The following GALNT13 variants were observed in gnomAD, a reference collection of about 807,000 sequenced individuals.
GALNT13 encodes polypeptide N-acetylgalactosaminyltransferase 13, also known as UDP-GalNAc:polypeptide N-acetylgalactosaminyltransferase 13.
A neutral mutation model predicts 64.2 loss-of-function variants in GALNT13; 28 were observed. The observed-to-expected ratio is 0.44, with a 90% CI of 0.32 to 0.60. The LOEUF (loss-of-function observed/expected upper bound fraction) is 0.60. Among genes scored for constraint, GALNT13 ranks in the 20% least tolerant of loss-of-function variants. The pLI, the probability that GALNT13 is intolerant of heterozygous loss-of-function variation, is 0.05. For missense variants in GALNT13, 577 were observed against 669.8 expected (o/e 0.86, Z 1.53); for synonymous variants, 214 against 224.6 (o/e 0.95, Z 0.42).
At chr2:153,326,338 G>A in the GALNT13 span, among the ~76,000 whole-genome samples, 10 of 144,854 alleles carry the variant, frequency 6.9e-5, no homozygotes, top group South Asian at 4.3e-4. Flanking sequence ...CCATTTGCTC[G>A]GTAAATAATC....
chr2:153,740,516 C>G, the GALNT13 span, among the ~76,000 whole-genome samples: 132 of 152,136 alleles, frequency 8.7e-4, 1 homozygote, highest in Non-Finnish European at 1.6e-3. Context: ...TTTTTGTGTG[C>G]CAATTCCAAC....
intron 3 of GALNT13, among the ~76,000 whole-genome samples, chr2:154,091,774 A>T (rs1473804783): frequency 2.0e-5 from 3 of 151,962 alleles, no homozygotes; most frequent in African/African-American, 7.2e-5. Context: ...GTTAAACTGA[A>T]AGGCCTTTTA....
intron 4 of GALNT13, among the ~76,000 whole-genome samples, chr2:154,236,498 T>C (rs905308559): frequency 6.6e-6 from 1 of 152,112 alleles, no homozygotes; most frequent in African/African-American, 2.4e-5. Context: ...ACAGATATAT[T>C]ATCATAGAAT....
chr2:153,312,787 C>G, the GALNT13 span, among the ~76,000 whole-genome samples: 2 of 152,112 alleles, frequency 1.3e-5, no homozygotes, highest in African/African-American at 4.8e-5. Context: ...GTGGTATGTT[C>G]AAACTGGCTT....
At chr2:153,081,678 T>C in the GALNT13 span, among the ~76,000 whole-genome samples, 1 of 152,196 alleles carries the variant, frequency 6.6e-6, no homozygotes, top group Middle Eastern at 3.2e-3. Flanking sequence ...TCCATCCATG[T>C]TGTTGCAAAT....
the GALNT13 span, among the ~76,000 whole-genome samples, chr2:153,316,378 C>G: frequency 4.6e-5 from 7 of 152,166 alleles, no homozygotes; most frequent in South Asian, 6.2e-4. Context: ...CATGGTGGCT[C>G]AAGCCTGTAA....
the GALNT13 span, among the ~76,000 whole-genome samples, chr2:153,805,926 G>C: frequency 6.6e-6 from 1 of 151,924 alleles, no homozygotes; most frequent in Admixed American, 6.6e-5. Flanking sequence ...GGAATTAAGA[G>C]TATCCTGATT....
the GALNT13 span, among the ~76,000 whole-genome samples, chr2:153,332,994 G>C: frequency 6.6e-6 from 1 of 152,172 alleles, no homozygotes; most frequent in Non-Finnish European, 1.5e-5. Context: ...TTGTAATAGG[G>C]AAGAGCACAA....
chr2:153,350,446 G>T, the GALNT13 span, among the ~76,000 whole-genome samples: 1 of 144,310 alleles, frequency 6.9e-6, no homozygotes, highest in Non-Finnish European at 1.5e-5. Context: ...GCAGTGGTAT[G>T]ATCTTGGCTC....
the GALNT13 span, among the ~76,000 whole-genome samples, chr2:153,471,560 G>T: frequency 1.3e-5 from 2 of 152,254 alleles, no homozygotes; most frequent in East Asian, 1.9e-4. Flanking sequence ...ACCATTTTGA[G>T]AATTTAGAAT....
chr2:153,263,796 T>G, the GALNT13 span, among the ~76,000 whole-genome samples: 22 of 152,094 alleles, frequency 1.4e-4, no homozygotes, highest in Admixed American at 1.4e-3. Context: ...AAAAATTAAT[T>G]CAAGATGGAT....
At chr2:154,055,086 A>T (rs1699831298) in intron 3 of GALNT13, among the ~76,000 whole-genome samples, 1 of 152,042 alleles carries the variant, frequency 6.6e-6, no homozygotes, top group Admixed American at 6.5e-5. Context: ...GTCTGGTTCA[A>T]TAAATCCTAC....
In GALNT13 at chr2:154,451,400, TA is replaced by T. The variant is rs1701866096; in HGVS notation, c.*850del. 6.6e-6 allele frequency: 1 copy of T among 152,064 alleles called. No individual in the cohort carries two copies. Among genetic ancestry groups the T allele is most frequent in the Admixed American group, 6.6e-5 (1 of 15,218 alleles). 9.4% of individuals were successfully genotyped at this position (152,064 alleles called of 1,614,324 possible). ...TACCATCCCTTTTCTCTTCACTCTA[TA>T]GACAGTGGCATGCCATTGATGCTGT... On this transcript the variant is annotated 3_prime_UTR_variant, in exon 13 of 13. Transcript: ENST00000392825.
chr2:154,151,385 G>A (rs1412758515), intron 4 of GALNT13, among the ~76,000 whole-genome samples: 1 of 152,102 alleles, frequency 6.6e-6, no homozygotes, highest in Non-Finnish European at 1.5e-5. Flanking sequence ...GTGGTGCAGT[G>A]CTGAAAAAAA....
At chr2:154,079,797 C>A (rs6435037) in intron 3 of GALNT13, among the ~76,000 whole-genome samples, 66,680 of 151,456 alleles carry the variant, frequency 0.44, 16,592 homozygotes, top group Non-Finnish European at 0.57. Flanking sequence ...CAATGTAAGG[C>A]ATTATGATTA....
At chr2:153,876,815 T>A (rs1377523673) in intron 1 of GALNT13, among the ~76,000 whole-genome samples, 1 of 152,160 alleles carries the variant, frequency 6.6e-6, no homozygotes, top group Non-Finnish European at 1.5e-5. Context: ...TCTTAATTTT[T>A]AAAAGTTATC....
the GALNT13 span, among the ~76,000 whole-genome samples, chr2:153,281,246 C>A: frequency 6.6e-6 from 1 of 150,898 alleles, no homozygotes; most frequent in African/African-American, 2.4e-5. Flanking sequence ...TTTCTCCAGT[C>A]CTTTACTTTG....
chr2:154,141,071 A>C, intron 4 of GALNT13, among the ~76,000 whole-genome samples: 1 of 152,178 alleles, frequency 6.6e-6, no homozygotes, highest in Admixed American at 6.6e-5. Flanking sequence ...CTAAACATAG[A>C]AAAGGTATAG....
intron 3 of GALNT13, among the ~76,000 whole-genome samples, chr2:154,101,380 G>A (rs1474398191): frequency 3.3e-5 from 5 of 151,784 alleles, no homozygotes; most frequent in African/African-American, 1.2e-4. Context: ...ATTCTATCTA[G>A]GAAGGCGGTA....
Sources: gnomAD v4.1 joint callset for allele counts (sites outside exome capture counted in the v4.1 genomes callset) on GRCh38, gnomAD v4.1.1 for gene constraint, MANE v1.5 for transcripts, NCBI Gene and HGNC (gene_info 2026-07-23, HGNC 2026-07-21) for gene names.